DOCK3: variants seen among roughly 807,000 people sequenced by gnomAD.
The protein encoded by DOCK3 is dedicator of cytokinesis 3.
A neutral mutation model predicts 265.6 loss-of-function variants in DOCK3; 60 were observed. The observed-to-expected ratio is 0.23, with a 90% confidence interval of 0.18 to 0.28. The LOEUF (loss-of-function observed/expected upper bound fraction) is 0.28, where lower values mean the gene tolerates loss of function less well. Ranked by LOEUF, DOCK3 falls within the 10% of genes least tolerant of loss-of-function variation. DOCK3 has a pLI of 1.00. For synonymous variants in DOCK3, 881 were observed against 938.0 expected, an observed-to-expected ratio of 0.94 and a Z score of 1.11; for missense variants, 1,981 against 2,594.3, an observed-to-expected ratio of 0.76 and a Z score of 5.14.
At chr3:51,203,222 C>G (rs2088931565) in intron 12 of DOCK3, among the ~76,000 whole-genome samples, 1 of 152,104 alleles carries the variant, frequency 6.6e-6, no homozygotes, top group Non-Finnish European at 1.5e-5. Context: ...AAGAGGAAGT[C>G]AAATTGTCCC....
At chr3:51,220,053 G>A (rs193222030) in intron 14 of DOCK3, among the ~76,000 whole-genome samples, 6 of 152,138 alleles carry the variant, frequency 3.9e-5, no homozygotes, top group African/African-American at 1.2e-4. Context: ...TTCTTTCCTG[G>A]GTACTCTAAA....
Position 50,904,018 on chromosome 3 carries a change from G to C in DOCK3, c.218+13937G>C, listed in dbSNP as rs9816773. ...CTATAAGTGAGAACATGTGGTGTTTGGTTTTTTGTCCTTACAATAGTTTGC... is the reference window on the plus strand; with the variant it reads ...CTATAAGTGAGAACATGTGGTGTTTCGTTTTTTGTCCTTACAATAGTTTGC... On this transcript the variant is annotated intron_variant, in intron 4 of 52. Coordinates refer to ENST00000266037, the MANE Select transcript of DOCK3 (RefSeq NM_004947.5). 3.5e-3 allele frequency among the ~76,000 whole-genome samples: 526 copies of C among 152,044 alleles called. 4 individuals are homozygous for C. Among genetic ancestry groups the C allele is most frequent in the African/African-American group, 0.012 (507 of 41,476 alleles).
At position 51,205,915 on chromosome 3, in the gene DOCK3, T is replaced by A. The variant is rs543973674; in HGVS notation, c.1038-2859T>A. Among the ~76,000 whole-genome samples the A allele has an allele frequency of 7.2e-5, 11 of 152,340 alleles. No individual in the cohort carries two copies. In the South Asian group the frequency reaches 2.3e-3, roughly 32 times the overall value. On this transcript the variant is annotated intron_variant, in intron 12 of 52. Transcript: ENST00000266037. Reference sequence around the variant, plus strand: ...AATTTCGAGAGTTCAGTCTTGGCAATCTGCAAATGAATCTGCATGACATTT... The same window carrying A: ...AATTTCGAGAGTTCAGTCTTGGCAAACTGCAAATGAATCTGCATGACATTT...
chr3:50,689,090 G>T (rs767686726), intron 1 of DOCK3, among the ~76,000 whole-genome samples: 2 of 152,186 alleles, frequency 1.3e-5, no homozygotes, highest in African/African-American at 4.8e-5. Flanking sequence ...ACTGTAAAGC[G>T]TGCCATCTGA....
intron 5 of DOCK3, among the ~76,000 whole-genome samples, chr3:51,014,044 G>A (rs566157773): frequency 1.4e-4 from 22 of 152,280 alleles, no homozygotes; most frequent in African/African-American, 5.1e-4. Context: ...AGGTGGCAGT[G>A]TCCCGATTTT....
At chr3:51,072,623 A>G (rs2081918747) in intron 6 of DOCK3, among the ~76,000 whole-genome samples, 1 of 152,008 alleles carries the variant, frequency 6.6e-6, no homozygotes, top group African/African-American at 2.4e-5. Flanking sequence ...TGACCAGGTC[A>G]GTCTTGAACT....
chr3:51,116,344 G>A (rs150244889), intron 9 of DOCK3, among the ~76,000 whole-genome samples: 1,597 of 151,408 alleles, frequency 0.011, 38 homozygotes, highest in African/African-American at 0.036. Flanking sequence ...CCAGCTACTC[G>A]GGAGGCTGAG....
intron 5 of DOCK3, among the ~76,000 whole-genome samples, chr3:51,060,452 TA>T (rs751840837): frequency 2.0e-5 from 3 of 152,184 alleles, no homozygotes; most frequent in Non-Finnish European, 2.9e-5. Flanking sequence ...TGGTGTTTTA[TA>T]CGTGAAGTCC....
chr3:51,160,447 A>G, intron 11 of DOCK3, 108 bp from the exon 12 acceptor site: 1 of 1,388,988 alleles, frequency 7.2e-7, no homozygotes, highest in Non-Finnish European at 9.5e-7. Flanking sequence ...TTCACCTTAG[A>G]GGATTTCCTA....
In DOCK3 at chr3:51,341,325, A is replaced by G; in HGVS notation, c.3855A>G (p.Thr1285=). 6.2e-7 allele frequency: 1 copy of G among 1,613,820 alleles called. No individual in the cohort carries two copies. Residue 1285 remains threonine, a synonymous_variant, in exon 38 of 53, where the codon ACA becomes ACG. Coordinates refer to ENST00000266037, the MANE Select transcript of DOCK3 (RefSeq NM_004947.5). ...LREFLHYPSQ[T]EWQRKEGLCR... is the part of the protein sequence containing the mutation. Reference sequence around the variant, plus strand: ...AATTCCTCCACTACCCATCGCAGACAGAGTGGCAGCGGAAGGAGGGACTGT... The same window carrying G: ...AATTCCTCCACTACCCATCGCAGACGGAGTGGCAGCGGAAGGAGGGACTGT...
chr3:51,144,441 C>T (rs2085203914), intron 9 of DOCK3, among the ~76,000 whole-genome samples: 1 of 152,214 alleles, frequency 6.6e-6, no homozygotes, highest in Admixed American at 6.5e-5. Context: ...ACTTTCTTCA[C>T]TTGACCAGTG....
chr3:51,175,780 T>G (rs2086907248), intron 12 of DOCK3, among the ~76,000 whole-genome samples: 1 of 152,128 alleles, frequency 6.6e-6, no homozygotes, highest in South Asian at 2.1e-4. Flanking sequence ...AAGGTTCTGG[T>G]CTTTGTATAT....
intron 5 of DOCK3, among the ~76,000 whole-genome samples, chr3:50,943,739 T>A (rs972408010): frequency 1.3e-5 from 2 of 152,144 alleles, no homozygotes; most frequent in African/African-American, 4.8e-5. Context: ...TAAGGGATTA[T>A]ACTACTTAAT....
chr3:50,696,432 G>A (rs1030786585), intron 1 of DOCK3, among the ~76,000 whole-genome samples: 3 of 152,206 alleles, frequency 2.0e-5, no homozygotes, highest in Non-Finnish European at 2.9e-5. Context: ...TGTCAAACAT[G>A]TACAATGGAT....
chr3:51,361,174 A>G lies in DOCK3; in HGVS notation c.5006+542A>G, dbSNP rs1366064304. On this transcript the variant is annotated intron_variant, in intron 47 of 52. Coordinates refer to ENST00000266037, the MANE Select transcript of DOCK3 (RefSeq NM_004947.5). This position sits in a 1 kb window ranked among gnomAD's most constrained non-coding sequence, Gnocchi z 4.2. The stretch of plus-strand genomic sequence containing the variant: ...TCAAAGACTGGTTTGCCTGGGCTCA[A>G]CTGAGAATACTGAAAGCCTCTAGGC... Among the ~76,000 whole-genome samples the G allele has an allele frequency of 6.6e-6, 1 of 152,226 alleles. No homozygotes were observed. The highest frequency in any genetic ancestry group is 1.5e-5 in the Non-Finnish European group (1 of 68,030).
At chr3:50,709,802 G>C (rs2036641315) in intron 1 of DOCK3, among the ~76,000 whole-genome samples, 1 of 152,108 alleles carries the variant, frequency 6.6e-6, no homozygotes, top group African/African-American at 2.4e-5. Context: ...CTCCAGTCTG[G>C]GTGACAAGAG....
intron 21 of DOCK3, among the ~76,000 whole-genome samples, chr3:51,238,902 C>T (rs2108496661): frequency 6.6e-6 from 1 of 152,244 alleles, no homozygotes; most frequent in Non-Finnish European, 1.5e-5. Flanking sequence ...CCATTGTGAA[C>T]AGTGCTGCAA....
Position 51,275,070 on chromosome 3 carries a change from C to G in DOCK3, c.2549-9C>G. The stretch of plus-strand genomic sequence containing the variant: ...AAAGTTTTCTTCACCTTTGTATTTT[C>G]TCTCCCAGAATCCCGCCGCATCCTG... On this transcript the variant is annotated splice_polypyrimidine_tract_variant and intron_variant, in intron 24 of 52. Transcript: ENST00000266037. 1 of 1,613,954 alleles carries G rather than the reference C, an allele frequency of 6.2e-7. No homozygotes were observed. Among genetic ancestry groups the G allele is most frequent in the East Asian group, 2.2e-5 (1 of 44,874 alleles).
intron 4 of DOCK3, among the ~76,000 whole-genome samples, chr3:50,896,437 G>T (rs1355396386): frequency 6.6e-6 from 1 of 151,814 alleles, no homozygotes; most frequent in Admixed American, 6.6e-5. Context: ...TCTGTAGGTT[G>T]CCTGTTCACT....
Sources: gnomAD v4.1 joint callset for allele counts (sites outside exome capture counted in the v4.1 genomes callset) on GRCh38, gnomAD v4.1.1 for gene constraint, Gnocchi (gnomAD v3.1) non-coding constraint, MANE v1.5 for transcripts, NCBI Gene and HGNC (gene_info 2026-07-23, HGNC 2026-07-21) for gene names.